Variants in CUL5 observed in about 807,000 individuals in gnomAD.
CUL5 encodes cullin-5.
CUL5 carries 26 observed loss-of-function variants against 108.8 expected under a neutral mutation model. That is an observed-to-expected ratio of 0.24 (90% confidence interval 0.18 to 0.33). CUL5 has a LOEUF of 0.33. Ranked by LOEUF, CUL5 falls within the 10% of genes least tolerant of loss-of-function variation. The probability of loss-of-function intolerance (pLI) is 1.00; values close to 1 mark genes in which losing one functional copy is unlikely to be tolerated. For missense variants in CUL5, 524 were observed against 909.2 expected, an observed-to-expected ratio of 0.58 and a Z score of 5.45; for synonymous variants, 334 against 298.0, an observed-to-expected ratio of 1.12 and a Z score of -1.25.
At chr11:108,085,955 C>T (rs1388918308) in intron 11 of CUL5, among the ~76,000 whole-genome samples, 1 of 151,686 alleles carries the variant, frequency 6.6e-6, no homozygotes, top group Non-Finnish European at 1.5e-5. Flanking sequence ...GTATGGTTTG[C>T]GAATTATATA....
chr11:108,053,678 CTTTT>C (rs35844502), intron 5 of CUL5, among the ~76,000 whole-genome samples: 2 of 129,340 alleles, frequency 1.5e-5, no homozygotes, highest in African/African-American at 5.7e-5. Flanking sequence ...GTATACCATG[CTTTT>C]TTTTTTTTTT....
intron 7 of CUL5, among the ~76,000 whole-genome samples, chr11:108,064,975 C>T (rs1591309808): frequency 6.6e-6 from 1 of 151,974 alleles, no homozygotes; most frequent in Non-Finnish European, 1.5e-5. Context: ...CATCAGGTGC[C>T]AGGCTTTTCT....
intron 2 of CUL5, among the ~76,000 whole-genome samples, chr11:108,039,074 G>A (rs1257137948): frequency 6.6e-6 from 1 of 151,566 alleles, no homozygotes; most frequent in Non-Finnish European, 1.5e-5. Flanking sequence ...AGGCTGGAGT[G>A]CAATGGCGCA....
chr11:108,033,919 C>T lies in CUL5; in HGVS notation c.134+8C>T. On this transcript the variant is annotated splice_region_variant and intron_variant, in intron 2 of 18. Transcript: ENST00000393094. ...GTGGTTTGATCTGTTTTCGTAAGTACCCCACTAATTCTGTTTGCTAGCATA... is the reference window on the plus strand; with the variant it reads ...GTGGTTTGATCTGTTTTCGTAAGTATCCCACTAATTCTGTTTGCTAGCATA... The T allele has an allele frequency of 6.4e-7, 1 of 1,551,628 alleles. No individual in the cohort carries two copies.
rs1312778714 is a variant in CUL5, at chr11:108,052,648, T to C, written c.412-12T>C. 8 of 1,588,630 alleles carry C rather than the reference T, an allele frequency of 5.0e-6. No homozygotes were observed. The highest frequency in any genetic ancestry group is 6.9e-6 in the Non-Finnish European group (8 of 1,166,856). On this transcript the variant is annotated splice_polypyrimidine_tract_variant and intron_variant, in intron 4 of 18. Coordinates refer to ENST00000393094, the MANE Select transcript of CUL5 (RefSeq NM_003478.6). The stretch of plus-strand genomic sequence containing the variant: ...TTGAAAATTATGTTACAATTTGTTC[T>C]TGTTTTCCTAGCTTATGCTTGATAC...
chr11:108,104,536 C>A lies in CUL5; in HGVS notation c.*152C>A. Reference sequence around the variant, plus strand: ...CCTTACAAAAACAACTATATTTTGCCAATCACATTAGTTAGCATGATGGCA... The same window carrying A: ...CCTTACAAAAACAACTATATTTTGCAAATCACATTAGTTAGCATGATGGCA... On this transcript the variant is annotated 3_prime_UTR_variant, in exon 19 of 19. Coordinates refer to ENST00000393094, the MANE Select transcript of CUL5 (RefSeq NM_003478.6). 1.9e-6 allele frequency: 1 copy of A among 525,794 alleles called. No homozygotes were observed. Among genetic ancestry groups the A allele is most frequent in the Non-Finnish European group, 3.3e-6 (1 of 302,284 alleles). The allele number at this position is 525,794 out of a possible 1,614,324, so 32.6% of individuals were successfully genotyped here. A position where few individuals can be genotyped will look rare whatever the true frequency, so the allele number is the denominator to read the frequency against.
intron 11 of CUL5, among the ~76,000 whole-genome samples, chr11:108,080,374 C>T (rs1392317237): frequency 6.6e-6 from 1 of 152,154 alleles, no homozygotes; most frequent in East Asian, 1.9e-4. Flanking sequence ...CAGGCATGAG[C>T]TACCATGCCC....
chr11:108,092,110 C>G (rs1237979893), intron 13 of CUL5, among the ~76,000 whole-genome samples: 1 of 152,104 alleles, frequency 6.6e-6, no homozygotes, highest in Non-Finnish European at 1.5e-5. Context: ...GCACTGCAGC[C>G]TGGGCAACAG....
chr11:108,017,647 C>G (rs1040282670), intron 1 of CUL5, among the ~76,000 whole-genome samples: 1 of 152,146 alleles, frequency 6.6e-6, no homozygotes, highest in Non-Finnish European at 1.5e-5. Flanking sequence ...CCCAGGAGTT[C>G]AAGACCAGTC....
At chr11:108,098,166 ATATT>A (rs1213553690) in intron 17 of CUL5, among the ~76,000 whole-genome samples, 1 of 152,232 alleles carries the variant, frequency 6.6e-6, no homozygotes, top group East Asian at 1.9e-4. Context: ...GCAATATAAA[ATATT>A]AACTTTGTTT....
chr11:108,062,579 A>G (rs1863566343), intron 7 of CUL5, among the ~76,000 whole-genome samples: 2 of 149,504 alleles, frequency 1.3e-5, no homozygotes, highest in Non-Finnish European at 3.0e-5. Context: ...TTTTATAAAT[A>G]TAAAATATTT....
chr11:108,045,788 A>T (rs1863052274), intron 2 of CUL5, among the ~76,000 whole-genome samples: 1 of 152,172 alleles, frequency 6.6e-6, no homozygotes, highest in Non-Finnish European at 1.5e-5. Context: ...TCAACCCAGG[A>T]GGTCAAGGCT....
chr11:108,101,890 T>G (rs1864680165), intron 18 of CUL5, among the ~76,000 whole-genome samples: 1 of 152,002 alleles, frequency 6.6e-6, no homozygotes, highest in African/African-American at 2.4e-5. Flanking sequence ...CTTTCCTTCT[T>G]CCTTCTTCCT....
At position 108,051,726 on chromosome 11, in the gene CUL5, T is replaced by C. The variant is rs542051840; in HGVS notation, c.412-934T>C. On this transcript the variant is annotated intron_variant, in intron 4 of 18. Coordinates refer to ENST00000393094, the MANE Select transcript of CUL5 (RefSeq NM_003478.6). ...AGTATCAGATTTTCAGTTGGTCCTTTTTACATTTTTTATGTGTCTTTACAA... is the reference window on the plus strand; with the variant it reads ...AGTATCAGATTTTCAGTTGGTCCTTCTTACATTTTTTATGTGTCTTTACAA... Among the ~76,000 whole-genome samples, 65 of 152,318 alleles carry C rather than the reference T, an allele frequency of 4.3e-4. 1 individual carries two copies. The highest frequency in any genetic ancestry group is 1.6e-3 in the Admixed American group (24 of 15,300).
chr11:108,054,444 T>G (rs919266800), intron 5 of CUL5, among the ~76,000 whole-genome samples: 1 of 152,248 alleles, frequency 6.6e-6, no homozygotes, highest in Admixed American at 6.5e-5. Flanking sequence ...ATATTATCTG[T>G]ATTATTTATT....
At position 108,105,011 on chromosome 11, in the gene CUL5, A is replaced by G. The variant is rs1190825041; in HGVS notation, c.*627A>G. The G allele has an allele frequency of 1.3e-5, 2 of 152,466 alleles. No individual in the cohort carries two copies. The highest frequency in any genetic ancestry group is 6.6e-5 in the Admixed American group (1 of 15,258). The allele number at this position is 152,466 out of a possible 1,614,324, so 9.4% of individuals were successfully genotyped here. A position where few individuals can be genotyped will look rare whatever the true frequency, so the allele number is the denominator to read the frequency against. ...GGTATTAAATATTTTCAACTTTCAA[A>G]TGTTGGTTTTCTTTAAGCAGGAGAC... On this transcript the variant is annotated 3_prime_UTR_variant, in exon 19 of 19. Transcript: ENST00000393094.
intron 1 of CUL5, among the ~76,000 whole-genome samples, chr11:108,027,670 G>T (rs1323413330): frequency 6.6e-6 from 1 of 152,094 alleles, no homozygotes; most frequent in Non-Finnish European, 1.5e-5. Context: ...CAGCCTCCCA[G>T]TGTTGGGATT....
intron 18 of CUL5, among the ~76,000 whole-genome samples, chr11:108,100,101 A>T (rs1864615949): frequency 7.8e-6 from 1 of 127,714 alleles, no homozygotes; most frequent in African/African-American, 2.5e-5. Context: ...GAATTTTACA[A>T]ATTGTTTTTT....
intron 13 of CUL5, among the ~76,000 whole-genome samples, chr11:108,089,869 G>A (rs1307733287): frequency 1.3e-5 from 2 of 151,590 alleles, no homozygotes; most frequent in African/African-American, 2.4e-5. Flanking sequence ...GCAAAACCGC[G>A]TCTCTACTAA....
Sources: gnomAD v4.1 joint callset for allele counts (sites outside exome capture counted in the v4.1 genomes callset) on GRCh38, gnomAD v4.1.1 for gene constraint, MANE v1.5 for transcripts, NCBI Gene and HGNC (gene_info 2026-07-23, HGNC 2026-07-21) for gene names.